The following NLRP12 variants were observed in gnomAD, a reference collection of about 807,000 sequenced individuals.
The protein encoded by NLRP12 is NLR family pyrin domain containing 12.
Under a neutral mutation model 91.2 loss-of-function variants are expected in NLRP12, and 108 were observed. That is an observed-to-expected ratio of 1.18 (90% CI 1.01 to 1.39). NLRP12 has a LOEUF of 1.39. Ranked by LOEUF, NLRP12 falls within the 40% of genes most tolerant of loss-of-function variation. NLRP12 has a pLI of 0.00. For missense variants in NLRP12, 1,530 were observed against 1,352.7 expected, an observed-to-expected ratio of 1.13 and a Z score of -2.06; for synonymous variants, 613 against 566.7, an observed-to-expected ratio of 1.08 and a Z score of -1.16.
intron 9 of NLRP12, 60 bp downstream of exon 9, chr19:53,795,799 C>T: frequency 2.6e-6 from 4 of 1,511,666 alleles, no homozygotes; most frequent in Non-Finnish European, 3.7e-6. Context: ...GCTTATCTAC[C>T]CTCATGCTCC....
chr19:53,813,005 T>C (rs1002990322), intron 2 of NLRP12, among the ~76,000 whole-genome samples: 2 of 149,446 alleles, frequency 1.3e-5, no homozygotes, highest in African/African-American at 4.9e-5. Flanking sequence ...CTCAGTCTCC[T>C]GAGTAACTCG....
At chr19:53,802,897 A>T (rs551221043) in intron 6 of NLRP12, among the ~76,000 whole-genome samples, 1 of 152,144 alleles carries the variant, frequency 6.6e-6, no homozygotes, top group South Asian at 2.1e-4. Context: ...CTCCAGACAC[A>T]TACCACCCAC....
At chr19:53,794,860 G>A (rs2091720960) in intron 9 of NLRP12, among the ~76,000 whole-genome samples, 1 of 151,726 alleles carries the variant, frequency 6.6e-6, no homozygotes, top group Non-Finnish European at 1.5e-5. Flanking sequence ...CCCGCTCCCA[G>A]CCGTAAGTTT....
At chr19:53,800,592 T>C (rs867663063) in intron 7 of NLRP12, among the ~76,000 whole-genome samples, 1 of 151,900 alleles carries the variant, frequency 6.6e-6, no homozygotes, top group African/African-American at 2.4e-5. Context: ...CCCCCCTTTT[T>C]TTTTTTTGAG....
chr19:53,823,931 T>A lies in NLRP12; in HGVS notation c.244A>T (p.Arg82Trp). ...LALSTFERIN[R>W]KDLWERGQRE... ...TGTCCTCTCTCCCACAGGTCCTTCCTGTTTATCCGCTCAAAGGTGCTGAGA... is the reference window on the plus strand; with the variant it reads ...TGTCCTCTCTCCCACAGGTCCTTCCAGTTTATCCGCTCAAAGGTGCTGAGA... Residue 82 changes from arginine (R) to tryptophan (W), a missense_variant, in exon 1 of 10, where the codon AGG (arginine) becomes TGG (tryptophan). Arg to Trp is a moderately radical substitution (Grantham distance 101). Transcript: ENST00000324134. The A allele has an allele frequency of 6.2e-7, 1 of 1,614,138 alleles. No individual in the cohort carries two copies. Among genetic ancestry groups the A allele is most frequent in the South Asian group, 1.1e-5 (1 of 91,086 alleles).
At chr19:53,807,416 T>C in intron 4 of NLRP12, 79 bp downstream of exon 4, 22 of 1,415,392 alleles carry the variant, frequency 1.6e-5, no homozygotes, top group Non-Finnish European at 2.1e-5. Context: ...CACCATCCCG[T>C]GATAGAACCT....
chr19:53,820,025 G>A (rs1192671569), intron 1 of NLRP12, among the ~76,000 whole-genome samples: 2 of 152,064 alleles, frequency 1.3e-5, no homozygotes, highest in Non-Finnish European at 2.9e-5. Context: ...CATTAACGAC[G>A]AGTCATTAAG....
chr19:53,797,949 G>C (rs1161985095), intron 8 of NLRP12, among the ~76,000 whole-genome samples: 4 of 151,556 alleles, frequency 2.6e-5, no homozygotes, highest in Admixed American at 2.6e-4. Context: ...GTGTTAGGCT[G>C]GTCTTGAACT....
At chr19:53,803,865 C>T (rs575195860) in intron 6 of NLRP12, 87 bp downstream of exon 6, 14 of 1,363,542 alleles carry the variant, frequency 1.0e-5, no homozygotes, top group East Asian at 4.7e-5. Context: ...TGAGCCACTG[C>T]GCCCGACCTG....
chr19:53,804,404 T>G (rs796495238), intron 5 of NLRP12, among the ~76,000 whole-genome samples: 5 of 126,466 alleles, frequency 4.0e-5, no homozygotes, highest in South Asian at 4.5e-4. Context: ...TTTTTTTGTT[T>G]TTTTTTTTTT....
At chr19:53,822,541 G>A (rs1354816161) in intron 1 of NLRP12, among the ~76,000 whole-genome samples, 1 of 151,784 alleles carries the variant, frequency 6.6e-6, no homozygotes, top group Middle Eastern at 3.2e-3. Flanking sequence ...GACCAGCCTG[G>A]CCAAGATAGT....
chr19:53,810,033 G>T lies in NLRP12; in HGVS notation c.1626C>A (p.Thr542=), dbSNP rs753966022. The change falls in exon 3 of 10, where the codon ACC becomes ACA. Residue 542 remains threonine (T), a synonymous_variant. Coordinates refer to ENST00000324134, the MANE Select transcript of NLRP12 (RefSeq NM_144687.4). The part of the protein sequence containing the change: ...EGGAGPDQDV[T]RLLTEYAFSE... ...AAAACGCGTACTCGGTCAACAGCCTGGTCACGTCCTGGTCTGGGCCTGCCC... is the reference window on the plus strand; with the variant it reads ...AAAACGCGTACTCGGTCAACAGCCTTGTCACGTCCTGGTCTGGGCCTGCCC... 1.2e-6 allele frequency: 2 copies of T among 1,614,144 alleles called. No homozygotes were observed. The highest frequency in any genetic ancestry group is 1.7e-6 in the Non-Finnish European group (2 of 1,180,022).
intron 1 of NLRP12, among the ~76,000 whole-genome samples, chr19:53,822,945 T>A (rs893085350): frequency 7.3e-5 from 11 of 151,706 alleles, no homozygotes; most frequent in African/African-American, 2.7e-4. Flanking sequence ...TTTTTGTATT[T>A]TTAGTAGAGA....
chr19:53,793,959 A>G lies in NLRP12; in HGVS notation c.*90T>C. On this transcript the variant is annotated 3_prime_UTR_variant, in exon 10 of 10. Coordinates refer to ENST00000324134, the MANE Select transcript of NLRP12 (RefSeq NM_144687.4). ...AATCTGCATGAGTCTGTCTCTAGGA[A>G]GGAGGCTGATCATTATGCTGGGGGG... 1 of 892,590 alleles carries G rather than the reference A, an allele frequency of 1.1e-6. No individual in the cohort carries two copies. Among genetic ancestry groups the G allele is most frequent in the Non-Finnish European group, 1.9e-6 (1 of 522,934 alleles). The allele number at this position is 892,590 out of a possible 1,614,324, so 55.3% of individuals were successfully genotyped here.
chr19:53,795,805 G>A (rs948753586), intron 9 of NLRP12, 54 bp downstream of exon 9: 12 of 1,545,888 alleles, frequency 7.8e-6, no homozygotes, highest in Non-Finnish European at 1.1e-5. Flanking sequence ...CTACCCTCAT[G>A]CTCCCAGCCC....
At chr19:53,805,989 T>A (rs1298676640) in intron 4 of NLRP12, among the ~76,000 whole-genome samples, 3 of 152,034 alleles carry the variant, frequency 2.0e-5, no homozygotes, top group Non-Finnish European at 4.4e-5. Flanking sequence ...ATCTCAGCAC[T>A]TTGGGAGGCC....
chr19:53,817,953 T>A (rs1281332075), intron 1 of NLRP12, among the ~76,000 whole-genome samples: 5 of 151,462 alleles, frequency 3.3e-5, no homozygotes, highest in Non-Finnish European at 2.9e-5. Context: ...CAGCTAATTT[T>A]TGTATTTTTA....
At chr19:53,817,459 G>A (rs1391492409) in intron 1 of NLRP12, among the ~76,000 whole-genome samples, 2 of 151,596 alleles carry the variant, frequency 1.3e-5, no homozygotes, top group African/African-American at 4.8e-5. Flanking sequence ...GAGGAGGCTG[G>A]GCGCGGTGGC....
intron 3 of NLRP12, 46 bp downstream of exon 3, chr19:53,809,541 A>AAAAAAAAAC: frequency 3.5e-6 from 5 of 1,425,752 alleles, no homozygotes; most frequent in Non-Finnish European, 4.7e-6. Context: ...AAAAAAAAAA[A>AAAAAAAAAC]CACACGAACC....
Sources: gnomAD v4.1 joint callset for allele counts (sites outside exome capture counted in the v4.1 genomes callset) on GRCh38, gnomAD v4.1.1 for gene constraint, MANE v1.5 for transcripts, NCBI Gene and HGNC (gene_info 2026-07-23, HGNC 2026-07-21) for gene names.